The following NTRK3 variants were observed in gnomAD, a reference collection of about 807,000 sequenced individuals.
NTRK3 encodes NT-3 growth factor receptor.
Under a neutral mutation model 91.7 loss-of-function variants are expected in NTRK3, and 24 were observed. That is an observed-to-expected ratio of 0.26 (90% CI 0.19 to 0.37). The LOEUF (loss-of-function observed/expected upper bound fraction) is 0.37, where lower values mean the gene tolerates loss of function less well. Ranked by LOEUF, NTRK3 falls within the 10% of genes least tolerant of loss-of-function variation. The pLI, the probability that NTRK3 is intolerant of heterozygous loss-of-function variation, is 1.00. For missense variants in NTRK3, 880 were observed against 1,068.9 expected (o/e 0.82, Z 2.46); for synonymous variants, 483 against 404.0 (o/e 1.20, Z -2.34).
At chr15:88,060,382 T>A (rs1418635362) in intron 13 of NTRK3, among the ~76,000 whole-genome samples, 6 of 78,566 alleles carry the variant, frequency 7.6e-5, no homozygotes, top group African/African-American at 1.9e-4. Context: ...AGACTCCATC[T>A]CAAAAAAAAA....
intron 3 of NTRK3, among the ~76,000 whole-genome samples, chr15:88,247,600 A>T (rs538374226): frequency 6.6e-6 from 1 of 152,214 alleles, no homozygotes; most frequent in Non-Finnish European, 1.5e-5. Context: ...TCTGAACATG[A>T]CAGTGACCCT....
chr15:88,003,881 G>GAAGT (rs1284276805), intron 14 of NTRK3, among the ~76,000 whole-genome samples: 1 of 150,372 alleles, frequency 6.7e-6, no homozygotes, highest in African/African-American at 2.5e-5. Context: ...TTTTAAGATG[G>GAAGT]AAGTCTCCAT....
intron 17 of NTRK3, among the ~76,000 whole-genome samples, chr15:87,907,441 A>G (rs953110509): frequency 1.3e-5 from 2 of 152,120 alleles, no homozygotes; most frequent in African/African-American, 4.8e-5. Flanking sequence ...TGCTTAATTT[A>G]CCTCCCTAAC....
intron 3 of NTRK3, among the ~76,000 whole-genome samples, chr15:88,193,307 G>C (rs1036679122): frequency 6.6e-6 from 1 of 152,128 alleles, no homozygotes; most frequent in African/African-American, 2.4e-5. Context: ...CCAGGGACAG[G>C]CATGCTGGAG....
intron 17 of NTRK3, among the ~76,000 whole-genome samples, chr15:87,883,180 G>A (rs1254479918): frequency 1.3e-4 from 20 of 150,140 alleles, no homozygotes; most frequent in Admixed American, 1.2e-3. Flanking sequence ...TGATTTACAC[G>A]TTGTCTGTTG....
chr15:88,107,576 C>G (rs956918744), intron 13 of NTRK3, among the ~76,000 whole-genome samples: 4 of 152,162 alleles, frequency 2.6e-5, no homozygotes, highest in African/African-American at 9.6e-5. Context: ...AGGACTCTGT[C>G]TCCAAACTTC....
chr15:88,216,486 C>T (rs1026402224), intron 3 of NTRK3, among the ~76,000 whole-genome samples: 2 of 152,208 alleles, frequency 1.3e-5, no homozygotes, highest in African/African-American at 4.8e-5. Flanking sequence ...ACCAGCCCAG[C>T]CACGTGCTGG....
chr15:88,105,073 T>C (rs1005855289), intron 13 of NTRK3, among the ~76,000 whole-genome samples: 1 of 152,196 alleles, frequency 6.6e-6, no homozygotes, highest in South Asian at 2.1e-4. Flanking sequence ...CTCTGATTAC[T>C]GAGACTTCAT....
At chr15:88,098,190 C>G (rs769190312) in intron 13 of NTRK3, among the ~76,000 whole-genome samples, 2 of 152,080 alleles carry the variant, frequency 1.3e-5, no homozygotes, top group Admixed American at 1.3e-4. Context: ...GAAGAGCAAC[C>G]GGGGTTTATA....
At chr15:88,015,520 GC>G (rs2077173508) in intron 14 of NTRK3, among the ~76,000 whole-genome samples, 1 of 152,064 alleles carries the variant, frequency 6.6e-6, no homozygotes, top group African/African-American at 2.4e-5. Context: ...CCTCTGTGGA[GC>G]CTTTACCCAA....
intron 17 of NTRK3, among the ~76,000 whole-genome samples, chr15:87,881,126 G>C (rs1287106186): frequency 6.6e-6 from 1 of 152,186 alleles, no homozygotes; most frequent in Non-Finnish European, 1.5e-5. Flanking sequence ...AAAAGGAAGT[G>C]ACTGACAAGG....
intron 3 of NTRK3, among the ~76,000 whole-genome samples, chr15:88,224,415 G>A (rs781507033): frequency 2.6e-5 from 4 of 152,196 alleles, no homozygotes; most frequent in Non-Finnish European, 5.9e-5. Flanking sequence ...TCTGCATTCC[G>A]GGGCCTCAAC....
Position 88,234,002 on chromosome 15 carries a change from G to C in NTRK3, c.248+21904C>G, listed in dbSNP as rs924123743. On this transcript the variant is annotated intron_variant, in intron 3 of 18. Transcript: ENST00000394480. This position sits in a 1 kb window ranked among gnomAD's most constrained non-coding sequence, Gnocchi z 6.1. Reference sequence around the variant, plus strand: ...CGAATAAACAAATATATTTTAGCAAGTGCCATTCCTGAGCTGGAGTCCCTT... The same window carrying C: ...CGAATAAACAAATATATTTTAGCAACTGCCATTCCTGAGCTGGAGTCCCTT... Among the ~76,000 whole-genome samples, 3 of 152,158 alleles carry C rather than the reference G, an allele frequency of 2.0e-5. No individual in the cohort carries two copies. The highest frequency in any genetic ancestry group is 7.2e-5 in the African/African-American group (3 of 41,440).
chr15:88,052,389 G>A (rs1324717062), intron 13 of NTRK3, among the ~76,000 whole-genome samples: 1 of 152,200 alleles, frequency 6.6e-6, no homozygotes. Flanking sequence ...TGGCTAGAAA[G>A]GGGAAAAATT....
chr15:88,251,695 T>C (rs1026284129), intron 3 of NTRK3, among the ~76,000 whole-genome samples: 7 of 152,180 alleles, frequency 4.6e-5, no homozygotes, highest in Admixed American at 3.9e-4. Context: ...TCTACAGAGT[T>C]GGACAGAAGC....
intron 17 of NTRK3, 192 bp downstream of exon 17, chr15:87,928,998 TG>T: frequency 1.5e-6 from 1 of 683,498 alleles, no homozygotes; most frequent in Non-Finnish European, 2.5e-6. Flanking sequence ...AAAGAAGGAG[TG>T]GGCAATTGAG....
At chr15:88,086,580 C>T (rs184127141) in intron 13 of NTRK3, among the ~76,000 whole-genome samples, 68 of 152,218 alleles carry the variant, frequency 4.5e-4, no homozygotes, top group Non-Finnish European at 9.0e-4. Flanking sequence ...TCTGATTAGA[C>T]AGCACTGTGC....
chr15:88,131,775 T>C (rs1442757839), intron 10 of NTRK3, among the ~76,000 whole-genome samples: 3 of 152,226 alleles, frequency 2.0e-5, no homozygotes, highest in African/African-American at 7.2e-5. Flanking sequence ...GAAGCATTTA[T>C]ACATCCAGAA....
At chr15:88,203,355 T>C (rs1267101935) in intron 3 of NTRK3, among the ~76,000 whole-genome samples, 2 of 152,182 alleles carry the variant, frequency 1.3e-5, no homozygotes, top group Non-Finnish European at 2.9e-5. Flanking sequence ...CAGCTCTGTC[T>C]CCTACCGCAT....
Sources: allele counts gnomAD v4.1 joint callset (sites outside exome capture counted in the v4.1 genomes callset), GRCh38; gene constraint gnomAD v4.1.1; non-coding constraint Gnocchi (gnomAD v3.1); transcripts MANE v1.5; gene names NCBI Gene and HGNC (gene_info 2026-07-23, HGNC 2026-07-21).